The following SPIRE1 variants were observed in gnomAD, a reference collection of about 807,000 sequenced individuals.
SPIRE1 encodes the protein spire type actin nucleation factor 1.
Under a neutral mutation model 94.1 loss-of-function variants are expected in SPIRE1, and 40 were observed. The ratio of observed to expected loss-of-function variants is 0.43; its 90% confidence interval spans 0.33 to 0.55. The LOEUF (loss-of-function observed/expected upper bound fraction) is 0.55, where lower values mean the gene tolerates loss of function less well. Ranked by LOEUF, SPIRE1 falls within the 20% of genes least tolerant of loss-of-function variation. SPIRE1 has a pLI of 0.06. For missense variants in SPIRE1, 838 were observed against 975.2 expected (o/e 0.86, Z 1.87); for synonymous variants, 376 against 371.7 (o/e 1.01, Z -0.13).
At chr18:12,472,928 G>A (rs1318470337) in intron 10 of SPIRE1, among the ~76,000 whole-genome samples, 1 of 152,082 alleles carries the variant, frequency 6.6e-6, no homozygotes, top group Non-Finnish European at 1.5e-5. Flanking sequence ...AAGTAGCTGG[G>A]ATTACAGGCA....
chr18:12,512,883 C>T lies in SPIRE1; in HGVS notation c.730-352G>A, dbSNP rs151079642. On this transcript the variant is annotated intron_variant, in intron 4 of 16. Transcript: ENST00000409402. ...CTGGGCTTCTGAAGCAATCTGATCC[C>T]GGATGCTCTCCTTTCCTCACCCCAT... 2.5e-3 allele frequency among the ~76,000 whole-genome samples: 385 copies of T among 151,828 alleles called. 4 individuals are homozygous for T. Among genetic ancestry groups the T allele is most frequent in the Middle Eastern group, 0.014 (4 of 292 alleles).
intron 2 of SPIRE1, among the ~76,000 whole-genome samples, chr18:12,593,983 G>A (rs1160213246): frequency 1.3e-5 from 2 of 151,782 alleles, no homozygotes; most frequent in African/African-American, 4.8e-5. Flanking sequence ...AAGAAAGCAT[G>A]CAATTAAAAT....
intron 2 of SPIRE1, among the ~76,000 whole-genome samples, chr18:12,570,381 C>G (rs760350810): frequency 1.3e-5 from 2 of 152,192 alleles, no homozygotes; most frequent in Non-Finnish European, 2.9e-5. Flanking sequence ...AGCACAGCGC[C>G]TACCCTTTCA....
At chr18:12,502,494 A>G (rs1307046087) in intron 6 of SPIRE1, among the ~76,000 whole-genome samples, 1 of 152,228 alleles carries the variant, frequency 6.6e-6, no homozygotes, top group African/African-American at 2.4e-5. Flanking sequence ...TGAGAAAGAT[A>G]ACATTACCCA....
intron 2 of SPIRE1, among the ~76,000 whole-genome samples, chr18:12,589,841 ATTAGT>A (rs1167748055): frequency 2.0e-5 from 3 of 152,206 alleles, no homozygotes; most frequent in Non-Finnish European, 4.4e-5. Flanking sequence ...GTTTTTAAGA[ATTAGT>A]TTATTCTTTG....
chr18:12,645,311 A>G (rs1392736912), intron 1 of SPIRE1, among the ~76,000 whole-genome samples: 1 of 152,170 alleles, frequency 6.6e-6, no homozygotes, highest in African/African-American at 2.4e-5. Context: ...GGTGGGAATC[A>G]ACATGACTCC....
At chr18:12,501,072 C>CAAAA (rs67894900) in intron 6 of SPIRE1, among the ~76,000 whole-genome samples, 23 of 80,250 alleles carry the variant, frequency 2.9e-4, no homozygotes, top group East Asian at 1.0e-3. Context: ...AACTCTGTCT[C>CAAAA]AAAAAAAAAA....
At chr18:12,477,689 C>G (rs1454177327) in intron 10 of SPIRE1, among the ~76,000 whole-genome samples, 1 of 152,146 alleles carries the variant, frequency 6.6e-6, no homozygotes, top group Non-Finnish European at 1.5e-5. Flanking sequence ...GGGGTCCTGG[C>G]AGGCTAGTGG....
intron 2 of SPIRE1, among the ~76,000 whole-genome samples, chr18:12,604,080 T>C (rs539605175): frequency 6.6e-6 from 1 of 152,278 alleles, no homozygotes; most frequent in African/African-American, 2.4e-5. Context: ...CAGTACCCTT[T>C]GTAGTATTCT....
intron 8 of SPIRE1, among the ~76,000 whole-genome samples, chr18:12,490,503 C>T (rs7235783): frequency 0.17 from 25,881 of 151,994 alleles, 2,466 homozygotes; most frequent in African/African-American, 0.25. Context: ...AAATTACAGG[C>T]TAAAATCCTT....
At chr18:12,454,742 G>C (rs981114137) in intron 12 of SPIRE1, among the ~76,000 whole-genome samples, 2 of 152,070 alleles carry the variant, frequency 1.3e-5, no homozygotes, top group African/African-American at 4.8e-5. Context: ...GTTTGCTCAG[G>C]TATTTTGACT....
rs2144281176 is a variant in SPIRE1, at chr18:12,546,747, G to A, written c.530C>T (p.Ala177Val). The change falls in exon 3 of 17, where the codon GCA (alanine) becomes GTA (valine). Residue 177 changes from alanine (A) to valine (V), a missense_variant. Physicochemically the swap from Ala to Val is moderately conservative, Grantham distance 64. Transcript: ENST00000409402. ...ATCTTCATCTCCCAGGCCTTCTTCT[G>A]CAGCCTCATAGCCCTCATCATTGCT... is the stretch of plus-strand genomic sequence containing the variant. ...DGSNDEGYEA[A>V]EEGLGDEDEK... The A allele has an allele frequency of 1.2e-6, 2 of 1,614,026 alleles. No homozygotes were observed. The highest frequency in any genetic ancestry group is 1.6e-4 in the Middle Eastern group (1 of 6,062).
At chr18:12,658,606 T>A, upstream of SPIRE1, 1 of 470,654 alleles carries the variant, frequency 2.1e-6, no homozygotes, top group Non-Finnish European at 4.4e-6. Flanking sequence ...GTTGAAAACT[T>A]GAACCCGCCT....
chr18:12,523,949 T>C (rs756110781), intron 4 of SPIRE1, among the ~76,000 whole-genome samples: 1 of 152,248 alleles, frequency 6.6e-6, no homozygotes, highest in Non-Finnish European at 1.5e-5. Flanking sequence ...TTAAAGTATG[T>C]ATTTTTTTGA....
At chr18:12,602,994 T>A (rs143592464) in intron 2 of SPIRE1, among the ~76,000 whole-genome samples, 1 of 152,338 alleles carries the variant, frequency 6.6e-6, no homozygotes, top group East Asian at 1.9e-4. Flanking sequence ...TACATCCTGA[T>A]AAGCTCATTG....
chr18:12,502,232 G>T (rs886415068), intron 6 of SPIRE1, among the ~76,000 whole-genome samples: 3 of 152,010 alleles, frequency 2.0e-5, no homozygotes, highest in Admixed American at 6.6e-5. Flanking sequence ...AAAGAGAAAG[G>T]TTCTTGCAGT....
chr18:12,644,056 G>A (rs1320817363), intron 1 of SPIRE1, among the ~76,000 whole-genome samples: 1 of 149,332 alleles, frequency 6.7e-6, no homozygotes, highest in Non-Finnish European at 1.5e-5. Context: ...AAAATTAGCT[G>A]GGCATGATGG....
intron 1 of SPIRE1, among the ~76,000 whole-genome samples, chr18:12,639,054 C>T (rs2038013485): frequency 6.6e-6 from 1 of 152,102 alleles, no homozygotes. Flanking sequence ...TTGAGGGGAA[C>T]TGCAGGGGTA....
In SPIRE1 at chr18:12,561,866, G is replaced by A. The variant is rs867995723; in HGVS notation, c.373-14962C>T. 5.3e-4 allele frequency among the ~76,000 whole-genome samples: 81 copies of A among 152,234 alleles called. 1 individual carries two copies. Among genetic ancestry groups the A allele is most frequent in the African/African-American group, 1.9e-3 (77 of 41,534 alleles). On this transcript the variant is annotated intron_variant, in intron 2 of 16. Transcript: ENST00000409402. ...ATATACATAGTCTCATATCAGTTCGGTTAAATTTTGCCACCAAATGAGTTT... is the reference window on the plus strand; with the variant it reads ...ATATACATAGTCTCATATCAGTTCGATTAAATTTTGCCACCAAATGAGTTT...
Sources: allele counts gnomAD v4.1 joint callset (sites outside exome capture counted in the v4.1 genomes callset), GRCh38; gene constraint gnomAD v4.1.1; transcripts MANE v1.5; gene names NCBI Gene and HGNC (gene_info 2026-07-23, HGNC 2026-07-21).